YAP1: variants seen among roughly 807,000 people sequenced by gnomAD.
YAP1 encodes transcriptional coactivator YAP1.
YAP1 carries 5 observed loss-of-function variants against 56.9 expected under a neutral mutation model. The ratio of observed to expected loss-of-function variants is 0.09; its 90% confidence interval spans 0.05 to 0.18. YAP1 has a LOEUF of 0.18. Among genes scored for constraint, YAP1 ranks in the 10% least tolerant of loss-of-function variants. YAP1 has a pLI of 1.00. For synonymous variants in YAP1, 265 were observed against 248.1 expected (o/e 1.07, Z -0.64); for missense variants, 539 against 651.8 (o/e 0.83, Z 1.88).
At chr11:102,112,589 C>A (rs1943022234) in intron 1 of YAP1, 1 of 985,162 alleles carries the variant, frequency 1.0e-6, no homozygotes, top group Non-Finnish European at 1.2e-6. Context: ...CATTCCCTCT[C>A]CTATTTGCAG....
intron 3 of YAP1, among the ~76,000 whole-genome samples, chr11:102,169,109 C>T (rs1457208279): frequency 1.3e-5 from 2 of 152,278 alleles, no homozygotes; most frequent in Admixed American, 1.3e-4. Flanking sequence ...TCCATGAAAT[C>T]TTGGACAAGT....
intron 3 of YAP1, among the ~76,000 whole-genome samples, chr11:102,164,689 C>T (rs532777476): frequency 6.6e-6 from 1 of 152,134 alleles, no homozygotes; most frequent in South Asian, 2.1e-4. Context: ...TGCTTTAAGT[C>T]AAAGGTATGT....
At chr11:102,134,812 G>A (rs1456069712) in intron 2 of YAP1, among the ~76,000 whole-genome samples, 2 of 152,138 alleles carry the variant, frequency 1.3e-5, no homozygotes, top group African/African-American at 2.4e-5. Context: ...GGGCTGAAGC[G>A]ATCCTCTGGC....
At chr11:102,151,373 T>C (rs7127597) in intron 2 of YAP1, among the ~76,000 whole-genome samples, 76,918 of 151,924 alleles carry the variant, frequency 0.51, 21,289 homozygotes, top group South Asian at 0.69. Context: ...CAAGAATGCT[T>C]CTCCAGTCTC....
chr11:102,138,353 A>G (rs1438179683), intron 2 of YAP1, among the ~76,000 whole-genome samples: 3 of 152,196 alleles, frequency 2.0e-5, no homozygotes, highest in Non-Finnish European at 4.4e-5. Flanking sequence ...TCTGGGAGCT[A>G]TACTGGGGCT....
chr11:102,113,321 T>C (rs116584242), intron 1 of YAP1, among the ~76,000 whole-genome samples: 1 of 152,372 alleles, frequency 6.6e-6, no homozygotes, highest in African/African-American at 2.4e-5. Flanking sequence ...TCCATTTTTC[T>C]ATCATGAAAA....
chr11:102,231,314 A>T lies in YAP1; in HGVS notation c.*1374A>T, dbSNP rs1950428886. On this transcript the variant is annotated 3_prime_UTR_variant, in exon 9 of 9. Transcript: ENST00000282441. Reference sequence around the variant, plus strand: ...TTTTCTTTGCCTTAGTTTTGGAAGTAAATTCTAGTTTGTAGTTCTCATTTG... The same window carrying T: ...TTTTCTTTGCCTTAGTTTTGGAAGTTAATTCTAGTTTGTAGTTCTCATTTG... 6.6e-6 allele frequency: 1 copy of T among 152,254 alleles called. No homozygotes were observed. Among genetic ancestry groups the T allele is most frequent in the African/African-American group, 2.4e-5 (1 of 41,468 alleles). The allele number at this position is 152,254 out of a possible 1,614,324, so 9.4% of individuals were successfully genotyped here. A position where few individuals can be genotyped will look rare whatever the true frequency, so the allele number is the denominator to read the frequency against.
chr11:102,220,412 CT>C (rs879477929), intron 6 of YAP1, among the ~76,000 whole-genome samples: 35 of 151,938 alleles, frequency 2.3e-4, no homozygotes, highest in Non-Finnish European at 3.8e-4. Flanking sequence ...TATGTGATTT[CT>C]TTTTTTTCTT....
intron 2 of YAP1, among the ~76,000 whole-genome samples, chr11:102,124,288 G>A (rs1943893416): frequency 6.6e-6 from 1 of 152,138 alleles, no homozygotes; most frequent in Admixed American, 6.6e-5. Flanking sequence ...TGCTAATTGA[G>A]TGTTTGCTTT....
At chr11:102,186,436 T>G (rs1373404213) in intron 4 of YAP1, 1 of 305,576 alleles carries the variant, frequency 3.3e-6, no homozygotes, top group Non-Finnish European at 6.2e-6. Flanking sequence ...TTAAAATGTT[T>G]TTTTTTTTTA....
intron 2 of YAP1, among the ~76,000 whole-genome samples, chr11:102,139,174 A>G (rs1944858474): frequency 6.6e-6 from 1 of 151,398 alleles, no homozygotes. Context: ...TGTGATTCAT[A>G]CTCCCAAAAT....
At chr11:102,220,651 A>G (rs1163187345) in intron 6 of YAP1, among the ~76,000 whole-genome samples, 1 of 152,176 alleles carries the variant, frequency 6.6e-6, no homozygotes, top group South Asian at 2.1e-4. Flanking sequence ...GTAAGGAGAG[A>G]TGGGTCTGGA....
chr11:102,159,958 A>G (rs1184622114), intron 2 of YAP1, among the ~76,000 whole-genome samples: 3 of 152,190 alleles, frequency 2.0e-5, no homozygotes, highest in Non-Finnish European at 2.9e-5. Flanking sequence ...CAGACATTTC[A>G]AAAGAATCAA....
At chr11:102,154,729 T>G (rs144774108) in intron 2 of YAP1, among the ~76,000 whole-genome samples, 1 of 152,284 alleles carries the variant, frequency 6.6e-6, no homozygotes, top group East Asian at 1.9e-4. Context: ...ACCAGTAACC[T>G]TTATTTAGCC....
intron 2 of YAP1, among the ~76,000 whole-genome samples, chr11:102,148,714 C>T (rs1033595506): frequency 3.3e-5 from 5 of 152,208 alleles, no homozygotes; most frequent in African/African-American, 1.2e-4. Context: ...TCCTCACCTT[C>T]TGTCTGTTCT....
At chr11:102,120,205 G>A (rs527911519) in intron 2 of YAP1, among the ~76,000 whole-genome samples, 7 of 152,204 alleles carry the variant, frequency 4.6e-5, no homozygotes, top group Non-Finnish European at 8.8e-5. Context: ...TACTGCCACC[G>A]TGGAAGCACT....
At chr11:102,226,030 A>G (rs1823960534) in intron 7 of YAP1, among the ~76,000 whole-genome samples, 1 of 152,166 alleles carries the variant, frequency 6.6e-6, no homozygotes, top group Non-Finnish European at 1.5e-5. Context: ...GTGGTTTGGA[A>G]TGAACTCTGC....
intron 3 of YAP1, among the ~76,000 whole-genome samples, chr11:102,173,979 A>G (rs973445576): frequency 2.6e-5 from 4 of 152,298 alleles, no homozygotes; most frequent in Non-Finnish European, 4.4e-5. Flanking sequence ...GTAATGTGTC[A>G]AGGAATTACC....
At chr11:102,176,222 C>CA (rs1947238170) in intron 3 of YAP1, among the ~76,000 whole-genome samples, 1 of 152,174 alleles carries the variant, frequency 6.6e-6, no homozygotes. Flanking sequence ...TGTACATTCC[C>CA]ACTCATAAAA....
Sources: allele counts gnomAD v4.1 joint callset (sites outside exome capture counted in the v4.1 genomes callset), GRCh38; gene constraint gnomAD v4.1.1; transcripts MANE v1.5; gene names NCBI Gene and HGNC (gene_info 2026-07-23, HGNC 2026-07-21).